Variants in PAWR observed in about 807,000 individuals in gnomAD.
PAWR encodes PRKC apoptosis WT1 regulator protein.
Under a neutral mutation model 32.0 loss-of-function variants are expected in PAWR, and 23 were observed. The ratio of observed to expected loss-of-function variants is 0.72; its 90% confidence interval spans 0.52 to 1.02. The LOEUF (loss-of-function observed/expected upper bound fraction) is 1.02, where lower values mean the gene tolerates loss of function less well. PAWR is among the 50% of genes least tolerant of loss of function. The pLI is 0.00. For synonymous variants in PAWR, 226 were observed against 187.1 expected (o/e 1.21, Z -1.70); for missense variants, 457 against 437.7 (o/e 1.04, Z -0.39).
rs1448635141 is a variant in PAWR, at chr12:79,585,349, T to G, written c.*7258A>C. The G allele has an allele frequency of 4.5e-6, 1 of 224,176 alleles. No homozygotes were observed. The highest frequency in any genetic ancestry group is 1.3e-4 in the East Asian group (1 of 7,494). The allele number at this position is 224,176 out of a possible 1,614,324, so 13.9% of individuals were successfully genotyped here. ...TCTGCAAAGTTTGTGACTCAAGTGTTGGGTGGGGCCAAATAATTTGTATTT... is the reference window on the plus strand; with the variant it reads ...TCTGCAAAGTTTGTGACTCAAGTGTGGGGTGGGGCCAAATAATTTGTATTT... On this transcript the variant is annotated 3_prime_UTR_variant, in exon 7 of 7. Coordinates refer to ENST00000328827, the MANE Select transcript of PAWR (RefSeq NM_002583.4).
At chr12:79,599,308 A>T (rs561406915) in intron 4 of PAWR, among the ~76,000 whole-genome samples, 1 of 152,238 alleles carries the variant, frequency 6.6e-6, no homozygotes, top group Non-Finnish European at 1.5e-5. Context: ...AATGTAATGA[A>T]TTAGTGTTTA....
chr12:79,653,556 TG>T (rs1876955716), intron 2 of PAWR, among the ~76,000 whole-genome samples: 1 of 152,238 alleles, frequency 6.6e-6, no homozygotes. Flanking sequence ...CTCAGCTCAC[TG>T]CAACCTCCAC....
rs976469869 is a variant in PAWR at position 79,586,545 on chromosome 12, T to C, written c.*6062A>G. 44 of 152,308 alleles carry C rather than the reference T, an allele frequency of 2.9e-4. No homozygotes were observed. Among genetic ancestry groups the C allele is most frequent in the African/African-American group, 1.0e-3 (43 of 41,576 alleles). The allele number at this position is 152,308 out of a possible 1,614,324, so 9.4% of individuals were successfully genotyped here. A position where few individuals can be genotyped will look rare whatever the true frequency, so the allele number is the denominator to read the frequency against. On this transcript the variant is annotated 3_prime_UTR_variant, in exon 7 of 7. Coordinates refer to ENST00000328827, the MANE Select transcript of PAWR (RefSeq NM_002583.4). ...TGTGCATTTCAAGTTCCATAGTGTG[T>C]CTAACCAGGGATAGCAACTGATTAT...
chr12:79,604,850 C>T, intron 4 of PAWR: 1 of 298,008 alleles, frequency 3.4e-6, no homozygotes, highest in Non-Finnish European at 6.0e-6. Context: ...ACAGAAAATA[C>T]AAATGAGTGT....
At chr12:79,684,901 G>A (rs1265540435) in intron 2 of PAWR, among the ~76,000 whole-genome samples, 1 of 152,170 alleles carries the variant, frequency 6.6e-6, no homozygotes, top group Non-Finnish European at 1.5e-5. Flanking sequence ...TTACGCACAA[G>A]ACTGTGAGTG....
chr12:79,654,945 T>A (rs2136808089), intron 2 of PAWR, among the ~76,000 whole-genome samples: 1 of 152,282 alleles, frequency 6.6e-6, no homozygotes, highest in South Asian at 2.1e-4. Flanking sequence ...GTACTGGGGA[T>A]TGCCAGCAGT....
Position 79,609,992 on chromosome 12 carries a change from G to A in PAWR, c.683+3583C>T, listed in dbSNP as rs547571507. Among the ~76,000 whole-genome samples the A allele has an allele frequency of 1.1e-4, 17 of 152,272 alleles. No individual in the cohort carries two copies. In the South Asian group the frequency reaches 3.1e-3, roughly 28 times the overall value. On this transcript the variant is annotated intron_variant, in intron 4 of 6. Transcript: ENST00000328827. ...TTCATTCCTGCCAGGGTCCAAAAGC[G>A]CTCACCCTGGCTCTTGCACCTGCTC...
rs76864706 is a variant in PAWR at position 79,687,214 on chromosome 12, C to T, written c.516+2515G>A. On this transcript the variant is annotated intron_variant, in intron 2 of 6. Transcript: ENST00000328827. Reference sequence around the variant, plus strand: ...ATGCAGTAACCACCCAGTTTCCTACCTCCCAAATAGCTAGTTTCGGTTTTT... The same window carrying T: ...ATGCAGTAACCACCCAGTTTCCTACTTCCCAAATAGCTAGTTTCGGTTTTT... Among the ~76,000 whole-genome samples the T allele has an allele frequency of 6.7e-4, 102 of 152,266 alleles. 2 individuals carry two copies. In the East Asian group the frequency reaches 8.1e-3, roughly 12 times the overall value.
At chr12:79,592,835 T>C (rs1873604088) in intron 6 of PAWR, 142 bp from the exon 7 acceptor site, 5 of 526,342 alleles carry the variant, frequency 9.5e-6, no homozygotes, top group Admixed American at 3.9e-5. Context: ...TTAGATGTAA[T>C]ATGCCCCACC....
chr12:79,683,633 A>C (rs1023946967), intron 2 of PAWR, among the ~76,000 whole-genome samples: 1 of 151,404 alleles, frequency 6.6e-6, no homozygotes, highest in African/African-American at 2.4e-5. Flanking sequence ...ACTCTGAATC[A>C]ATGTTCCCAA....
chr12:79,683,339 A>G (rs936929357), intron 2 of PAWR, among the ~76,000 whole-genome samples: 1 of 152,220 alleles, frequency 6.6e-6, no homozygotes, highest in Non-Finnish European at 1.5e-5. Context: ...ATCCTGTTAG[A>G]TAACCAGCAT....
intron 2 of PAWR, among the ~76,000 whole-genome samples, chr12:79,644,234 T>A (rs1354574134): frequency 1.3e-5 from 2 of 152,140 alleles, no homozygotes; most frequent in Non-Finnish European, 2.9e-5. Context: ...AAGACTTTTA[T>A]AAGAAAGACA....
intron 4 of PAWR, among the ~76,000 whole-genome samples, chr12:79,612,587 C>G (rs867230754): frequency 2.1e-4 from 32 of 152,058 alleles, no homozygotes; most frequent in African/African-American, 6.5e-4. Context: ...AAAAATTATT[C>G]TACTTATTTA....
chr12:79,654,295 T>C (rs1325207371), intron 2 of PAWR, among the ~76,000 whole-genome samples: 1 of 152,198 alleles, frequency 6.6e-6, no homozygotes, highest in Non-Finnish European at 1.5e-5. Context: ...CTAATGGTTA[T>C]AGTGACTAAA....
intron 4 of PAWR, among the ~76,000 whole-genome samples, chr12:79,599,494 T>C (rs1873880908): frequency 6.6e-6 from 1 of 152,218 alleles, no homozygotes; most frequent in Non-Finnish European, 1.5e-5. Flanking sequence ...ATAATTAGAA[T>C]ATATTCCTAT....
intron 2 of PAWR, among the ~76,000 whole-genome samples, chr12:79,663,769 C>CA (rs1877463090): frequency 6.7e-6 from 1 of 148,964 alleles, no homozygotes; most frequent in African/African-American, 2.5e-5. Context: ...TCAAACAAAA[C>CA]CAAAAAAAAA....
chr12:79,677,864 G>A (rs1020148137), intron 2 of PAWR, among the ~76,000 whole-genome samples: 13 of 152,136 alleles, frequency 8.5e-5, no homozygotes, highest in African/African-American at 3.1e-4. Context: ...TTATATTAAA[G>A]TGCAGGGCAA....
At position 79,689,914 on chromosome 12, in the gene PAWR, C is replaced by G; in HGVS notation, c.331G>C (p.Glu111Gln). 4 of 1,438,624 alleles carry G rather than the reference C, an allele frequency of 2.8e-6. No homozygotes were observed. Among genetic ancestry groups the G allele is most frequent in the Non-Finnish European group, 3.6e-6 (4 of 1,100,706 alleles). 89.1% of individuals were successfully genotyped at this position (1,438,624 alleles called of 1,614,324 possible). The change falls in exon 2 of 7, where the codon GAG becomes CAG. Residue 111 changes from glutamate (E) to glutamine (Q), a missense_variant. By Grantham distance (29) the Glu-to-Gln change is conservative. Transcript: ENST00000328827. ...AAPGPRRSED[E>Q]PPAASASAAP... ...GCCGAGGCAGAGGCGGCTGGGGGCT[C>G]GTCCTCCGACCGCCGCGGGCCGGGG...
intron 2 of PAWR, among the ~76,000 whole-genome samples, chr12:79,683,605 CTTTT>C (rs78796038): frequency 7.3e-6 from 1 of 136,918 alleles, no homozygotes; most frequent in Non-Finnish European, 1.6e-5. Context: ...GTGGAAACTC[CTTTT>C]TTTTTTTTTT....
Sources: gnomAD v4.1 joint callset for allele counts (sites outside exome capture counted in the v4.1 genomes callset) on GRCh38, gnomAD v4.1.1 for gene constraint, MANE v1.5 for transcripts, NCBI Gene and HGNC (gene_info 2026-07-23, HGNC 2026-07-21) for gene names.